The following ERC1 variants were observed in gnomAD, a reference collection of about 807,000 sequenced individuals.
The protein encoded by ERC1 is RAB6 interacting protein 2.
A neutral mutation model predicts 132.0 loss-of-function variants in ERC1; 56 were observed. The observed-to-expected ratio is 0.42, with a 90% CI of 0.34 to 0.53. The LOEUF is 0.53. ERC1 is among the 20% of genes least tolerant of loss of function. ERC1 has a pLI of 0.03. For missense variants in ERC1, 1,202 were observed against 1,349.9 expected, an observed-to-expected ratio of 0.89 and a Z score of 1.72; for synonymous variants, 478 against 476.1, an observed-to-expected ratio of 1.00 and a Z score of -0.05.
chr12:1,429,386 G>A (rs558286401), intron 17 of ERC1, among the ~76,000 whole-genome samples: 1 of 152,152 alleles, frequency 6.6e-6, no homozygotes, highest in African/African-American at 2.4e-5. Flanking sequence ...AATTGAACCA[G>A]GATGTTTATC....
chr12:1,113,407 A>T (rs1946102428), intron 6 of ERC1, among the ~76,000 whole-genome samples: 1 of 152,238 alleles, frequency 6.6e-6, no homozygotes, highest in Non-Finnish European at 1.5e-5. Context: ...AAGAGGCAGG[A>T]TTTGGTTTTA....
At chr12:1,188,590 G>C (rs887109628) in intron 11 of ERC1, among the ~76,000 whole-genome samples, 1 of 152,308 alleles carries the variant, frequency 6.6e-6, no homozygotes, top group Admixed American at 6.5e-5. Context: ...TTAAGGGTTA[G>C]GGAAGCCTAT....
chr12:1,394,712 C>G (rs1041467806), intron 16 of ERC1, among the ~76,000 whole-genome samples: 15 of 152,214 alleles, frequency 9.9e-5, no homozygotes, highest in African/African-American at 3.4e-4. Flanking sequence ...GTGCTTGCTT[C>G]CCTTTCACCT....
At chr12:1,412,926 C>A (rs2091924778) in intron 17 of ERC1, among the ~76,000 whole-genome samples, 1 of 152,166 alleles carries the variant, frequency 6.6e-6, no homozygotes, top group South Asian at 2.1e-4. Flanking sequence ...ATCGTCTAAT[C>A]CAGTGCCCTC....
At chr12:1,441,260 C>T (rs1266398865) in intron 17 of ERC1, among the ~76,000 whole-genome samples, 3 of 150,752 alleles carry the variant, frequency 2.0e-5, no homozygotes, top group Non-Finnish European at 4.4e-5. Context: ...GGGGTTTCAC[C>T]GTATTGGCCA....
chr12:1,189,305 T>C (rs1308909783), intron 11 of ERC1, among the ~76,000 whole-genome samples: 1 of 152,234 alleles, frequency 6.6e-6, no homozygotes, highest in Non-Finnish European at 1.5e-5. Context: ...ACCTGTGTGA[T>C]GGTAGCAGCT....
chr12:1,369,419 A>G (rs1452990371), intron 15 of ERC1, among the ~76,000 whole-genome samples: 1 of 152,220 alleles, frequency 6.6e-6, no homozygotes, highest in Non-Finnish European at 1.5e-5. Context: ...TGTATTTTGC[A>G]TTCAGCAAAG....
chr12:1,322,969 A>G (rs1031283405), intron 15 of ERC1, among the ~76,000 whole-genome samples: 1 of 152,186 alleles, frequency 6.6e-6, no homozygotes, highest in Admixed American at 6.5e-5. Flanking sequence ...GGATGATACA[A>G]AAGAAAACTG....
intron 16 of ERC1, chr12:1,386,753 T>C (rs1274444250): frequency 6.6e-6 from 1 of 152,122 alleles, no homozygotes; most frequent in East Asian, 1.9e-4. Flanking sequence ...AAGCAGATGA[T>C]TGCCGACACC....
At chr12:1,385,647 G>A (rs1013689549) in intron 16 of ERC1, among the ~76,000 whole-genome samples, 26 of 152,132 alleles carry the variant, frequency 1.7e-4, no homozygotes, top group Non-Finnish European at 3.7e-4. Flanking sequence ...TGTTTTTAAG[G>A]CTGGTTCTAG....
intron 15 of ERC1, among the ~76,000 whole-genome samples, chr12:1,343,818 C>T (rs771301439): frequency 3.3e-5 from 5 of 151,886 alleles, no homozygotes; most frequent in Non-Finnish European, 7.4e-5. Context: ...TGAAGCTTAT[C>T]GTTTAAATTG....
At chr12:1,477,434 C>G (rs567195937) in intron 18 of ERC1, among the ~76,000 whole-genome samples, 1 of 152,202 alleles carries the variant, frequency 6.6e-6, no homozygotes, top group Admixed American at 6.5e-5. Context: ...TCAGGAAACC[C>G]CTGCACGTGT....
At chr12:1,372,810 C>T (rs1318186463) in intron 16 of ERC1, among the ~76,000 whole-genome samples, 2 of 152,040 alleles carry the variant, frequency 1.3e-5, no homozygotes, top group Non-Finnish European at 2.9e-5. Context: ...AGTAATGAGA[C>T]CGAGAAAGAG....
intron 15 of ERC1, among the ~76,000 whole-genome samples, chr12:1,341,063 CTTTTTCTTTTTTTTTTTTTTT>C (rs2083800433): frequency 2.2e-5 from 1 of 45,160 alleles, no homozygotes; most frequent in African/African-American, 7.1e-5. Context: ...TTATTCTTTT[CTTTTTCTTTTTTTTTTTTTTT>C]TTTTTTTTTT....
intron 16 of ERC1, among the ~76,000 whole-genome samples, chr12:1,406,110 G>A (rs1474253995): frequency 2.0e-5 from 3 of 152,124 alleles, no homozygotes; most frequent in Admixed American, 2.0e-4. Context: ...CTCTCCTTGT[G>A]TTAATTCAAC....
At chr12:1,154,215 A>G (rs1593772126) in intron 8 of ERC1, among the ~76,000 whole-genome samples, 1 of 61,622 alleles carries the variant, frequency 1.6e-5, no homozygotes, top group South Asian at 3.1e-4. Context: ...GTGTGTGTGT[A>G]TGTATATGTA....
intron 5 of ERC1, among the ~76,000 whole-genome samples, chr12:1,111,949 C>G (rs899861786): frequency 6.6e-6 from 1 of 152,008 alleles, no homozygotes; most frequent in Non-Finnish European, 1.5e-5. Context: ...GATTTTTCAC[C>G]CTGATTTGAG....
At chr12:1,099,835 A>ATTTTTTT (rs779732035) in intron 3 of ERC1, among the ~76,000 whole-genome samples, 17 of 54,394 alleles carry the variant, frequency 3.1e-4, no homozygotes, top group Non-Finnish European at 5.1e-4. Flanking sequence ...TGAGACTTTG[A>ATTTTTTT]TTTTTTTTTT....
At chr12:1,109,922 C>G (rs1362243779) in intron 4 of ERC1, among the ~76,000 whole-genome samples, 1 of 152,222 alleles carries the variant, frequency 6.6e-6, no homozygotes, top group Non-Finnish European at 1.5e-5. Context: ...GTAGCGTACA[C>G]TTGTAATCCC....
Sources: gnomAD v4.1 joint callset for allele counts (sites outside exome capture counted in the v4.1 genomes callset) on GRCh38, gnomAD v4.1.1 for gene constraint, MANE v1.5 for transcripts, NCBI Gene and HGNC (gene_info 2026-07-23, HGNC 2026-07-21) for gene names.